The following AUTS2 variants were observed in gnomAD, a reference collection of about 807,000 sequenced individuals.
AUTS2 encodes the protein activator of transcription and developmental regulator AUTS2, also known as autism susceptibility gene 2 protein.
AUTS2 carries 17 observed loss-of-function variants against 112.4 expected under a neutral mutation model. That is an observed-to-expected ratio of 0.15 (90% CI 0.10 to 0.23). The LOEUF (loss-of-function observed/expected upper bound fraction) is 0.23, where lower values mean the gene tolerates loss of function less well. AUTS2 is among the 10% of genes least tolerant of loss of function. AUTS2 has a pLI of 1.00. For synonymous variants in AUTS2, 751 were observed against 702.7 expected (o/e 1.07, Z -1.09); for missense variants, 1,510 against 1,701.6 (o/e 0.89, Z 1.98).
chr7:70,270,043 AAAAC>A (rs1787615751), intron 4 of AUTS2, among the ~76,000 whole-genome samples: 2 of 152,142 alleles, frequency 1.3e-5, no homozygotes, highest in African/African-American at 2.4e-5. Flanking sequence ...TGTCTCAAAA[AAAAC>A]AAACAAAAAC....
At chr7:70,155,461 A>C (rs1474302474) in intron 4 of AUTS2, among the ~76,000 whole-genome samples, 4 of 146,268 alleles carry the variant, frequency 2.7e-5, no homozygotes, top group Non-Finnish European at 3.0e-5. Context: ...AGGGCCCTTG[A>C]CTTTTTTTTT....
At chr7:69,914,314 T>C (rs1795472424) in intron 2 of AUTS2, among the ~76,000 whole-genome samples, 2 of 146,980 alleles carry the variant, frequency 1.4e-5, no homozygotes, top group African/African-American at 5.1e-5. Flanking sequence ...TTTAATTGGC[T>C]ACAAAAAAAA....
intron 1 of AUTS2, among the ~76,000 whole-genome samples, chr7:69,850,156 G>T (rs754815487): frequency 1.3e-5 from 2 of 151,264 alleles, no homozygotes; most frequent in African/African-American, 4.9e-5. Flanking sequence ...TAAATTAGCC[G>T]GGCGTAGTGG....
intron 4 of AUTS2, among the ~76,000 whole-genome samples, chr7:70,157,934 GAC>G (rs1374101616): frequency 6.6e-6 from 1 of 152,178 alleles, no homozygotes; most frequent in African/African-American, 2.4e-5. Flanking sequence ...CAATGTGAGT[GAC>G]AGTTATCTCT....
intron 2 of AUTS2, among the ~76,000 whole-genome samples, chr7:69,910,593 A>G (rs543173784): frequency 1.3e-5 from 2 of 152,198 alleles, no homozygotes; most frequent in Non-Finnish European, 1.5e-5. Context: ...CAAATAGAGC[A>G]TTTGTGCAGG....
At chr7:70,625,113 T>C (rs1025264348) in intron 5 of AUTS2, among the ~76,000 whole-genome samples, 2 of 152,170 alleles carry the variant, frequency 1.3e-5, no homozygotes, top group Non-Finnish European at 2.9e-5. Flanking sequence ...CTCTGGACTT[T>C]CCCTTTACAG....
rs964402902 is a variant in AUTS2 at position 69,598,699 on chromosome 7, CGACT to C, written c.-946_-943del. 9 of 155,488 alleles carry C rather than the reference CGACT, an allele frequency of 5.8e-5. No homozygotes were observed. Among genetic ancestry groups the C allele is most frequent in the Admixed American group, 3.3e-4 (5 of 15,302 alleles). The allele number at this position is 155,488 out of a possible 1,614,324, so 9.6% of individuals were successfully genotyped here. On this transcript the variant is annotated 5_prime_UTR_variant, in exon 1 of 19. Transcript: ENST00000342771. ...GGAGATTTCTTTCTGCTTTCCTCAT[CGACT>C]GACTGACTCACCCCCTCCCTTTTTT...
chr7:70,351,334 G>A (rs1030666672), intron 4 of AUTS2, among the ~76,000 whole-genome samples: 4 of 152,168 alleles, frequency 2.6e-5, no homozygotes, highest in African/African-American at 7.2e-5. Context: ...GATTATAGGC[G>A]TGAGGCACCG....
intron 1 of AUTS2, among the ~76,000 whole-genome samples, chr7:69,632,517 C>T (rs902322169): frequency 1.3e-5 from 2 of 150,690 alleles, no homozygotes; most frequent in Non-Finnish European, 3.0e-5. Flanking sequence ...CATCCCTCTC[C>T]ACCCCCTCTC....
intron 6 of AUTS2, among the ~76,000 whole-genome samples, chr7:70,707,159 C>G (rs765208151): frequency 7.2e-5 from 11 of 152,236 alleles, no homozygotes; most frequent in Non-Finnish European, 1.5e-4. Flanking sequence ...ATTTTACATA[C>G]ATTCTATCCC....
At chr7:70,618,507 C>T (rs1563079608) in intron 5 of AUTS2, among the ~76,000 whole-genome samples, 1 of 152,204 alleles carries the variant, frequency 6.6e-6, no homozygotes, top group Non-Finnish European at 1.5e-5. Flanking sequence ...GACTCCATTT[C>T]CCCCCATATT....
intron 5 of AUTS2, among the ~76,000 whole-genome samples, chr7:70,540,871 C>T (rs150355068): frequency 1.3e-5 from 2 of 152,250 alleles, no homozygotes; most frequent in African/African-American, 4.8e-5. Flanking sequence ...TAATGCCAGC[C>T]TCTGCCTTTG....
intron 2 of AUTS2, among the ~76,000 whole-genome samples, chr7:70,100,148 A>G (rs898466994): frequency 6.6e-6 from 1 of 152,222 alleles, no homozygotes; most frequent in Non-Finnish European, 1.5e-5. Context: ...ATAATGCTGT[A>G]TCTCTTATTC....
chr7:70,178,965 T>G (rs1218167785), intron 4 of AUTS2, among the ~76,000 whole-genome samples: 1 of 152,128 alleles, frequency 6.6e-6, no homozygotes, highest in Non-Finnish European at 1.5e-5. Context: ...TATGACTGTG[T>G]TTTTATGGGT....
chr7:70,700,674 G>A (rs1809403569), intron 6 of AUTS2, among the ~76,000 whole-genome samples: 1 of 152,170 alleles, frequency 6.6e-6, no homozygotes, highest in African/African-American at 2.4e-5. Flanking sequence ...CTAAATATCA[G>A]GAAAACAACT....
Position 70,309,727 on chromosome 7 carries a change from A to G in AUTS2, c.661-126025A>G, listed in dbSNP as rs113106063. ...AAAAAAAGAGATTATGAAGGTTTAC[A>G]ATTATAGTAAAACTTATTAAGTAGA... On this transcript the variant is annotated intron_variant, in intron 4 of 18. Transcript: ENST00000342771. Among the ~76,000 whole-genome samples, 5 of 152,342 alleles carry G rather than the reference A, an allele frequency of 3.3e-5. 1 individual carries two copies. Among genetic ancestry groups the G allele is most frequent in the Admixed American group, 1.3e-4 (2 of 15,302 alleles).
rs1019946445 is a variant in AUTS2 at position 70,494,736 on chromosome 7, A to AT, written c.690+58963dup. Among the ~76,000 whole-genome samples, 4 of 152,148 alleles carry AT rather than the reference A, an allele frequency of 2.6e-5. No homozygotes were observed. The South Asian group carries it at 8.3e-4, about 32-fold the overall frequency. On this transcript the variant is annotated intron_variant, in intron 5 of 18. Coordinates refer to ENST00000342771, the MANE Select transcript of AUTS2 (RefSeq NM_015570.4). Reference sequence around the variant, plus strand: ...GAACTTCACTAAACTTCCCAAGTTGATTTTTTTTAGTTTTGAAAATCAAAC... The same window carrying AT: ...GAACTTCACTAAACTTCCCAAGTTGATTTTTTTTTAGTTTTGAAAATCAAAC...
At chr7:70,753,218 A>G (rs894754365) in intron 6 of AUTS2, among the ~76,000 whole-genome samples, 5 of 152,122 alleles carry the variant, frequency 3.3e-5, no homozygotes, top group Non-Finnish European at 7.4e-5. Flanking sequence ...GACTCCACAC[A>G]GCTCTCCCAG....
At chr7:70,011,804 C>T (rs535975722) in intron 2 of AUTS2, among the ~76,000 whole-genome samples, 7 of 152,306 alleles carry the variant, frequency 4.6e-5, no homozygotes, top group Non-Finnish European at 8.8e-5. Context: ...GGTGGCCATG[C>T]GACCTTTCAG....
Sources: gnomAD v4.1 joint callset for allele counts (sites outside exome capture counted in the v4.1 genomes callset) on GRCh38, gnomAD v4.1.1 for gene constraint, MANE v1.5 for transcripts, NCBI Gene and HGNC (gene_info 2026-07-23, HGNC 2026-07-21) for gene names.